Variants in ZNF44 observed in about 807,000 individuals in gnomAD.
ZNF44 encodes zinc finger protein 44.
A neutral mutation model predicts 11.7 loss-of-function variants in ZNF44; 9 were observed. The ratio of observed to expected loss-of-function variants is 0.77; its 90% CI spans 0.46 to 1.35. The LOEUF is 1.35. Among genes scored for constraint, ZNF44 ranks in the 40% most tolerant of loss-of-function variants. The pLI, the probability that ZNF44 is intolerant of heterozygous loss-of-function variation, is 0.00. For synonymous variants in ZNF44, 224 were observed against 242.7 expected (o/e 0.92, Z 0.72); for missense variants, 696 against 743.1 (o/e 0.94, Z 0.74).
chr19:12,243,312 G>T (rs542389777), downstream of ZNF44, among the ~76,000 whole-genome samples: 1 of 152,278 alleles, frequency 6.6e-6, no homozygotes, highest in African/African-American at 2.4e-5. Flanking sequence ...TTACAACTTG[G>T]TTTTTAACCT....
intron 5 of ZNF44, among the ~76,000 whole-genome samples, chr19:12,257,414 T>C (rs1394967975): frequency 2.0e-5 from 3 of 151,442 alleles, no homozygotes; most frequent in Admixed American, 6.6e-5. Flanking sequence ...CTTTGGGAGG[T>C]TGAGGAGGGT....
At chr19:12,255,127 CACACA>C (rs1917190442) in intron 5 of ZNF44, among the ~76,000 whole-genome samples, 1 of 145,568 alleles carries the variant, frequency 6.9e-6, no homozygotes, top group African/African-American at 2.5e-5. Flanking sequence ...CACACACACA[CACACA>C]CCCCTTTGTG....
At chr19:12,255,444 G>A (rs1040119590) in intron 5 of ZNF44, among the ~76,000 whole-genome samples, 4 of 152,096 alleles carry the variant, frequency 2.6e-5, no homozygotes, top group Non-Finnish European at 5.9e-5. Context: ...CAAATGAAAA[G>A]GAAAATGAAA....
chr19:12,229,498 A>C (rs1352586782), intron 3 of ZNF44, among the ~76,000 whole-genome samples: 1 of 152,210 alleles, frequency 6.6e-6, no homozygotes, highest in East Asian at 1.9e-4. Flanking sequence ...AAAGTAATTC[A>C]GTTAACTGGG....
chr19:12,256,018 C>A lies in ZNF44; in HGVS notation c.1913-5650G>T, dbSNP rs935388888. ...CACCATTGCACTCCAGCCTGGGCAACAAGAGCGAAACTCTGTCTCAAAAAA... is the reference window on the plus strand; with the variant it reads ...CACCATTGCACTCCAGCCTGGGCAAAAAGAGCGAAACTCTGTCTCAAAAAA... On this transcript the variant is annotated intron_variant and NMD_transcript_variant, in intron 5 of 7. Transcript: ENST00000393337. Among the ~76,000 whole-genome samples the A allele has an allele frequency of 2.9e-3, 270 of 94,626 alleles. 2 individuals carry two copies. Among genetic ancestry groups the A allele is most frequent in the Middle Eastern group, 0.014 (1 of 74 alleles). 62.1% of individuals were successfully genotyped at this position (94,626 alleles called of 152,430 possible). A position where few individuals can be genotyped will look rare whatever the true frequency, so the allele number is the denominator to read the frequency against.
At chr19:12,261,215 G>A (rs535321169) in intron 5 of ZNF44, among the ~76,000 whole-genome samples, 1 of 152,384 alleles carries the variant, frequency 6.6e-6, no homozygotes. Context: ...GCCCATGACA[G>A]AGGAAGGATG....
chr19:12,284,446 G>T, intron 1 of ZNF44: 1 of 638,230 alleles, frequency 1.6e-6, no homozygotes, highest in Non-Finnish European at 2.9e-6. Flanking sequence ...CGGGGCCGGG[G>T]CCGCGGAGCT....
chr19:12,255,888 T>C (rs1047171278), intron 5 of ZNF44, among the ~76,000 whole-genome samples: 2 of 151,470 alleles, frequency 1.3e-5, no homozygotes, highest in Non-Finnish European at 2.9e-5. Flanking sequence ...AATACAAAAT[T>C]AGCCAGGCGT....
upstream of ZNF44, among the ~76,000 whole-genome samples, chr19:12,241,465 G>A (rs1916611448): frequency 6.6e-6 from 1 of 152,222 alleles, no homozygotes; most frequent in Non-Finnish European, 1.5e-5. Flanking sequence ...CAAAGTGGGT[G>A]GATCACCAGA....
chr19:12,267,481 T>C (rs898394968), downstream of ZNF44, among the ~76,000 whole-genome samples: 4 of 152,170 alleles, frequency 2.6e-5, no homozygotes, highest in Admixed American at 6.5e-5. Flanking sequence ...AACATCTGAA[T>C]TGGTTCATTT....
intron 5 of ZNF44, chr19:12,260,162 T>C (rs894808099): frequency 3.9e-6 from 3 of 763,052 alleles, no homozygotes; most frequent in Admixed American, 1.8e-5. Context: ...CGTGCAGAAC[T>C]GCTCCAGTTT....
At chr19:12,261,464 T>C (rs971328472) in intron 5 of ZNF44, among the ~76,000 whole-genome samples, 1 of 152,040 alleles carries the variant, frequency 6.6e-6, no homozygotes, top group Non-Finnish European at 1.5e-5. Context: ...CCAGACCCCA[T>C]CTCTATATAA....
chr19:12,272,909 T>C lies in ZNF44; in HGVS notation c.1346A>G (p.Tyr449Cys). The C allele has an allele frequency of 6.2e-7, 1 of 1,614,190 alleles. No individual in the cohort carries two copies. Among genetic ancestry groups the C allele is most frequent in the Non-Finnish European group, 8.5e-7 (1 of 1,180,030 alleles). The stretch of plus-strand genomic sequence containing the variant: ...AAAAGCTTTTCCACATTTACATTTA[T>C]AGGGTTGCTCTCCAGTGTGTGTTGT... ...HETTHTGEQP[Y>C]KCKCGKAFSD... The change falls in exon 4 of 4, where the codon TAT (tyrosine) becomes TGT (cysteine). Residue 449 changes from tyrosine to cysteine, a missense_variant. Transcript: ENST00000355684.
chr19:12,282,953 T>C (rs537776245), intron 1 of ZNF44, among the ~76,000 whole-genome samples: 89 of 152,310 alleles, frequency 5.8e-4, no homozygotes, highest in Non-Finnish European at 1.0e-3. Flanking sequence ...ACGTCTATAT[T>C]GTACCCTTCA....
chr19:12,290,615 G>A (rs959132048), intron 1 of ZNF44, among the ~76,000 whole-genome samples: 2 of 151,356 alleles, frequency 1.3e-5, no homozygotes, highest in African/African-American at 2.4e-5. Context: ...CAGGAGAATC[G>A]CTTGAACCCG....
At chr19:12,235,788 A>C (rs1021929652) in intron 1 of ZNF44, among the ~76,000 whole-genome samples, 1 of 152,082 alleles carries the variant, frequency 6.6e-6, no homozygotes, top group African/African-American at 2.4e-5. Flanking sequence ...TATTCACTAG[A>C]TCCTCCAAGA....
chr19:12,283,259 TA>T (rs1413416654), intron 1 of ZNF44, among the ~76,000 whole-genome samples: 2 of 152,164 alleles, frequency 1.3e-5, no homozygotes, highest in Non-Finnish European at 2.9e-5. Flanking sequence ...GAGACAGACC[TA>T]AAGATTAAAT....
At chr19:12,242,684 A>AT (rs1568424014), downstream of ZNF44, 1 of 150,814 alleles carries the variant, frequency 6.6e-6, no homozygotes, top group African/African-American at 2.4e-5. Context: ...AAAAAAAAAA[A>AT]AAAATATGAT....
chr19:12,266,149 G>T, intron 5 of ZNF44: 2 of 657,522 alleles, frequency 3.0e-6, no homozygotes, highest in Non-Finnish European at 3.8e-6. Flanking sequence ...ACCGAGGGCC[G>T]AGCTGTGCCA....
Sources: allele counts gnomAD v4.1 joint callset (sites outside exome capture counted in the v4.1 genomes callset), GRCh38; gene constraint gnomAD v4.1.1; transcripts MANE v1.5; gene names NCBI Gene and HGNC (gene_info 2026-07-23, HGNC 2026-07-21).